Variants in NAALADL2 observed in about 807,000 individuals in gnomAD.
NAALADL2 encodes N-acetylated alpha-linked acidic dipeptidase like 2.
In NAALADL2, 76 loss-of-function variants were observed where a neutral mutation model predicts 87.2. The observed-to-expected ratio is 0.87, with a 90% CI of 0.72 to 1.05. The LOEUF (loss-of-function observed/expected upper bound fraction) is 1.05, where lower values mean the gene tolerates loss of function less well. Among genes scored for constraint, NAALADL2 ranks in the 50% least tolerant of loss-of-function variants. The pLI is 0.00. For missense variants in NAALADL2, 1,089 were observed against 945.8 expected, an observed-to-expected ratio of 1.15 and a Z score of -1.99; for synonymous variants, 354 against 331.0, an observed-to-expected ratio of 1.07 and a Z score of -0.75.
At chr3:175,138,305 T>A (rs1052917015) in intron 2 of NAALADL2, among the ~76,000 whole-genome samples, 5 of 152,180 alleles carry the variant, frequency 3.3e-5, no homozygotes, top group East Asian at 1.9e-4. Context: ...AGAATTAATA[T>A]AAGTCATAGG....
chr3:175,006,008 G>T (rs1229100780), intron 1 of NAALADL2, among the ~76,000 whole-genome samples: 1 of 152,152 alleles, frequency 6.6e-6, no homozygotes, highest in African/African-American at 2.4e-5. Flanking sequence ...TACGATGTGC[G>T]CGGTAACAGC....
chr3:175,233,362 A>C (rs1581036238), intron 2 of NAALADL2, among the ~76,000 whole-genome samples: 1 of 152,304 alleles, frequency 6.6e-6, no homozygotes, highest in Middle Eastern at 3.4e-3. Context: ...AACTAATAGA[A>C]GATTTAGTTA....
chr3:175,275,159 G>C (rs1348135027), intron 4 of NAALADL2, among the ~76,000 whole-genome samples: 1 of 152,084 alleles, frequency 6.6e-6, no homozygotes, highest in African/African-American at 2.4e-5. Flanking sequence ...AGAGTACAAT[G>C]GGGGGTAGAA....
chr3:175,216,663 C>CTTTTTTTTTTTTTT (rs1560177808), intron 2 of NAALADL2, among the ~76,000 whole-genome samples: 1 of 43,350 alleles, frequency 2.3e-5, no homozygotes, highest in East Asian at 5.5e-4. Context: ...CTTTTTTTTT[C>CTTTTTTTTTTTTTT]TTTTCTTTTT....
At chr3:174,502,646 G>A (rs762755540) in intron 1 of NAALADL2, among the ~76,000 whole-genome samples, 1 of 152,006 alleles carries the variant, frequency 6.6e-6, no homozygotes, top group Non-Finnish European at 1.5e-5. Context: ...TGTTAATAGG[G>A]GAGAGTAATA....
intron 5 of NAALADL2, among the ~76,000 whole-genome samples, chr3:175,364,148 G>A (rs1486243859): frequency 6.8e-6 from 1 of 147,846 alleles, no homozygotes; most frequent in Admixed American, 6.9e-5. Context: ...AAATTTCTGT[G>A]TGTGCACACT....
chr3:174,579,232 A>G lies in NAALADL2; in HGVS notation c.-115+28595A>G, dbSNP rs1715887464. Among the ~76,000 whole-genome samples, 3 of 152,118 alleles carry G rather than the reference A, an allele frequency of 2.0e-5. No individual in the cohort carries two copies. The South Asian group carries it at 6.2e-4, about 32-fold the overall frequency. On this transcript the variant is annotated intron_variant, in intron 2 of 3. Transcript: ENST00000434257. ...GCAGTTACTCAATAAAAATAAAAAT[A>G]TATTTCTCCCTAAAGCCTTGTATGT... is the stretch of plus-strand genomic sequence containing the variant.
chr3:174,831,235 G>T (rs1722647540), intron 3 of NAALADL2, among the ~76,000 whole-genome samples: 1 of 151,206 alleles, frequency 6.6e-6, no homozygotes, highest in South Asian at 2.1e-4. Context: ...TATGATATTG[G>T]CTGTGGGTTT....
intron 11 of NAALADL2, among the ~76,000 whole-genome samples, chr3:175,736,230 T>C (rs1429637399): frequency 3.9e-5 from 6 of 152,292 alleles, no homozygotes; most frequent in Non-Finnish European, 8.8e-5. Flanking sequence ...GGTGGGGTCA[T>C]GGGGGAATTA....
chr3:175,379,561 T>C (rs537757064), intron 5 of NAALADL2, among the ~76,000 whole-genome samples: 1 of 150,304 alleles, frequency 6.7e-6, no homozygotes, highest in African/African-American at 2.5e-5. Flanking sequence ...TAAGATGGAG[T>C]CTCACTCTGT....
chr3:175,113,081 T>A (rs187626626), intron 2 of NAALADL2, among the ~76,000 whole-genome samples: 1 of 151,740 alleles, frequency 6.6e-6, no homozygotes, highest in African/African-American at 2.4e-5. Context: ...ATTAGGATAA[T>A]TTCATGGAAA....
chr3:175,074,604 T>C (rs916428517), intron 1 of NAALADL2, among the ~76,000 whole-genome samples: 5 of 152,102 alleles, frequency 3.3e-5, no homozygotes, highest in African/African-American at 1.2e-4. Flanking sequence ...CTTGACTATA[T>C]TAGGGAGTTA....
intron 2 of NAALADL2, among the ~76,000 whole-genome samples, chr3:175,105,642 GACACACACACACACACAC>G (rs57274941): frequency 0.055 from 7,881 of 144,544 alleles, 590 homozygotes; most frequent in African/African-American, 0.17. Flanking sequence ...AATACACACA[GACACACACACACACACAC>G]ACACACACAC....
intron 1 of NAALADL2, among the ~76,000 whole-genome samples, chr3:175,013,182 A>G (rs1750277624): frequency 8.5e-6 from 1 of 118,152 alleles, no homozygotes; most frequent in Admixed American, 9.5e-5. Context: ...ACATATTTAT[A>G]TATAAATATA....
At chr3:174,451,310 C>G (rs8179996) in intron 1 of NAALADL2, among the ~76,000 whole-genome samples, 1 of 152,102 alleles carries the variant, frequency 6.6e-6, no homozygotes, top group Admixed American at 6.5e-5. Flanking sequence ...GAAATTTGCT[C>G]TTGATTTCAT....
intron 1 of NAALADL2, among the ~76,000 whole-genome samples, chr3:174,521,571 C>CAA (rs58465181): frequency 2.9e-3 from 160 of 56,096 alleles, no homozygotes; most frequent in African/African-American, 3.2e-3. Context: ...GACCCTGTCT[C>CAA]AAAAAAAAAA....
At chr3:174,983,855 A>G (rs1263439514) in intron 1 of NAALADL2, among the ~76,000 whole-genome samples, 1 of 152,204 alleles carries the variant, frequency 6.6e-6, no homozygotes, top group Admixed American at 6.5e-5. Context: ...TGAATTAGCT[A>G]GCCCTGAGAA....
At chr3:175,469,535 G>A (rs1724569790) in intron 8 of NAALADL2, among the ~76,000 whole-genome samples, 1 of 152,080 alleles carries the variant, frequency 6.6e-6, no homozygotes, top group Admixed American at 6.5e-5. Context: ...TTTATAGACA[G>A]AATTATTAGA....
intron 13 of NAALADL2, among the ~76,000 whole-genome samples, chr3:175,770,172 A>G (rs948404375): frequency 2.0e-5 from 3 of 152,198 alleles, no homozygotes; most frequent in Non-Finnish European, 2.9e-5. Context: ...AAAATTAATC[A>G]TCACAGAGAT....
Sources: gnomAD v4.1 joint callset for allele counts (sites outside exome capture counted in the v4.1 genomes callset) on GRCh38, gnomAD v4.1.1 for gene constraint, MANE v1.5 for transcripts, NCBI Gene and HGNC (gene_info 2026-07-23, HGNC 2026-07-21) for gene names.